The following CCDC138 variants were observed in gnomAD, a reference collection of about 807,000 sequenced individuals.
CCDC138 encodes the protein coiled-coil domain-containing protein 138.
A neutral mutation model predicts 82.3 loss-of-function variants in CCDC138; 66 were observed. The observed-to-expected ratio is 0.80, with a 90% CI of 0.66 to 0.98. The LOEUF (loss-of-function observed/expected upper bound fraction) is 0.98. Among genes scored for constraint, CCDC138 ranks in the 50% least tolerant of loss-of-function variants. CCDC138 has a pLI of 0.00. For missense variants in CCDC138, 816 were observed against 758.9 expected (o/e 1.08, Z -0.88); for synonymous variants, 297 against 265.4 (o/e 1.12, Z -1.16).
At chr2:108,873,864 C>T (rs1250366913) in intron 14 of CCDC138, among the ~76,000 whole-genome samples, 4 of 152,116 alleles carry the variant, frequency 2.6e-5, no homozygotes, top group African/African-American at 9.7e-5. Context: ...GTTGGACAAG[C>T]TTGATTTAGA....
chr2:108,802,536 C>T (rs375517032), intron 6 of CCDC138, among the ~76,000 whole-genome samples: 8 of 146,160 alleles, frequency 5.5e-5, no homozygotes, highest in Admixed American at 2.1e-4. Context: ...TGGGCTGAGA[C>T]GATAGGGTTT....
At chr2:108,869,967 AAATT>A (rs1211442979) in intron 13 of CCDC138, among the ~76,000 whole-genome samples, 1 of 152,204 alleles carries the variant, frequency 6.6e-6, no homozygotes, top group Non-Finnish European at 1.5e-5. Flanking sequence ...AAAGACACAC[AAATT>A]AATTGGATTT....
At chr2:108,868,902 AAAGAAAAAAATGAAATTTTTTTC>A (rs1334294314) in intron 13 of CCDC138, among the ~76,000 whole-genome samples, 1 of 151,888 alleles carries the variant, frequency 6.6e-6, no homozygotes, top group African/African-American at 2.4e-5. Context: ...ACCTTTTGTG[AAAGAAAAAAATGAAATTTTTTTC>A]TATTTGATTA....
intron 10 of CCDC138, among the ~76,000 whole-genome samples, chr2:108,824,363 T>G (rs1025972974): frequency 1.3e-5 from 2 of 152,202 alleles, no homozygotes; most frequent in African/African-American, 4.8e-5. Flanking sequence ...AAATTTTTAT[T>G]TTAGTTTTTA....
At chr2:108,837,050 T>C (rs893480163) in intron 10 of CCDC138, among the ~76,000 whole-genome samples, 67 of 152,334 alleles carry the variant, frequency 4.4e-4, no homozygotes, top group African/African-American at 1.6e-3. Context: ...TTTATTTCTT[T>C]TTCTTGCCCA....
At chr2:108,832,479 C>G (rs145287208) in intron 10 of CCDC138, among the ~76,000 whole-genome samples, 2,916 of 151,546 alleles carry the variant, frequency 0.019, 86 homozygotes, top group African/African-American at 0.067. Flanking sequence ...TCCCAAGTAG[C>G]TGGGATTACA....
At chr2:108,835,353 T>C (rs1688398950) in intron 10 of CCDC138, among the ~76,000 whole-genome samples, 1 of 152,036 alleles carries the variant, frequency 6.6e-6, no homozygotes, top group African/African-American at 2.4e-5. Flanking sequence ...AGCCGTGAGC[T>C]CAAAAATTAA....
chr2:108,854,271 A>G (rs1175091942), intron 12 of CCDC138, among the ~76,000 whole-genome samples: 2 of 151,074 alleles, frequency 1.3e-5, no homozygotes, highest in African/African-American at 4.9e-5. Flanking sequence ...TTCTCAGTTA[A>G]TAGGAAGGTT....
At chr2:108,794,169 C>A (rs1428895001) in intron 4 of CCDC138, among the ~76,000 whole-genome samples, 1 of 152,152 alleles carries the variant, frequency 6.6e-6, no homozygotes. Context: ...AGCAAAGCAG[C>A]ATGTAACACT....
At chr2:108,823,226 C>T (rs1177716969) in intron 10 of CCDC138, among the ~76,000 whole-genome samples, 1 of 152,188 alleles carries the variant, frequency 6.6e-6, no homozygotes, top group Non-Finnish European at 1.5e-5. Flanking sequence ...GAAGAATTAA[C>T]ACCCATCCTC....
At chr2:108,849,855 A>C (rs1691160472) in intron 12 of CCDC138, among the ~76,000 whole-genome samples, 1 of 152,220 alleles carries the variant, frequency 6.6e-6, no homozygotes, top group Non-Finnish European at 1.5e-5. Flanking sequence ...TCAAGAAAGA[A>C]GCCTGAATGC....
chr2:108,881,893 CAGCACTTTGGGA>C, intron 1 of CCDC138, among the ~76,000 whole-genome samples: 1 of 152,258 alleles, frequency 6.6e-6, no homozygotes, highest in East Asian at 1.9e-4. Context: ...CTTGTAACCC[CAGCACTTTGGGA>C]AGCTGAGGCT....
intron 13 of CCDC138, among the ~76,000 whole-genome samples, chr2:108,866,253 A>G (rs1040016760): frequency 1.2e-4 from 18 of 152,172 alleles, no homozygotes; most frequent in African/African-American, 4.3e-4. Context: ...CCTCCCTTTT[A>G]TAAGGATACT....
At chr2:108,795,240 C>T (rs903433799) in intron 5 of CCDC138, among the ~76,000 whole-genome samples, 10 of 143,470 alleles carry the variant, frequency 7.0e-5, no homozygotes, top group African/African-American at 1.0e-4. Flanking sequence ...CTGCGGCCTC[C>T]GCCTCCTGGG....
chr2:108,799,885 G>A (rs1681604697), intron 6 of CCDC138, among the ~76,000 whole-genome samples: 1 of 151,450 alleles, frequency 6.6e-6, no homozygotes, highest in African/African-American at 2.4e-5. Context: ...TAATCTCCAT[G>A]TTGCTATTGA....
intron 12 of CCDC138, among the ~76,000 whole-genome samples, chr2:108,847,414 A>G (rs1346975914): frequency 6.6e-6 from 1 of 152,184 alleles, no homozygotes; most frequent in Non-Finnish European, 1.5e-5. Context: ...AAAGCCTATA[A>G]TACTGTCATC....
downstream of CCDC138, among the ~76,000 whole-genome samples, chr2:108,877,754 AAG>A (rs965488506): frequency 9.2e-5 from 14 of 152,350 alleles, no homozygotes; most frequent in African/African-American, 3.4e-4. Context: ...TGGCCAAAGA[AAG>A]AACTGCATGT....
chr2:108,838,269 C>G lies in CCDC138; in HGVS notation c.1207-916C>G, dbSNP rs72934069. 5.3e-3 allele frequency among the ~76,000 whole-genome samples: 814 copies of G among 152,226 alleles called. 10 individuals carry two copies. Among genetic ancestry groups the G allele is most frequent in the African/African-American group, 0.016 (683 of 41,528 alleles). ...TGGCTGGTCCAGGGAGGGGCAATCTCTCCCCAACTGGAAAGGTTTTTTAAG... is the reference window on the plus strand; with the variant it reads ...TGGCTGGTCCAGGGAGGGGCAATCTGTCCCCAACTGGAAAGGTTTTTTAAG... On this transcript the variant is annotated intron_variant, in intron 10 of 14. Coordinates refer to ENST00000295124, the MANE Select transcript of CCDC138 (RefSeq NM_144978.3).
intron 13 of CCDC138, among the ~76,000 whole-genome samples, chr2:108,863,139 T>G (rs1693886825): frequency 6.6e-6 from 1 of 152,220 alleles, no homozygotes; most frequent in African/African-American, 2.4e-5. Context: ...TTTCTTGATT[T>G]GAACAACATA....
Sources: allele counts gnomAD v4.1 joint callset (sites outside exome capture counted in the v4.1 genomes callset), GRCh38; gene constraint gnomAD v4.1.1; transcripts MANE v1.5; gene names NCBI Gene and HGNC (gene_info 2026-07-23, HGNC 2026-07-21).